The following HSPA12A variants were observed in gnomAD, a reference collection of about 807,000 sequenced individuals.
HSPA12A encodes the protein heat shock 70 kDa protein 12A.
In HSPA12A, 28 loss-of-function variants were observed where a neutral mutation model predicts 69.2. That is an observed-to-expected ratio of 0.40 (90% CI 0.30 to 0.55). The LOEUF is 0.55. Among genes scored for constraint, HSPA12A ranks in the 20% least tolerant of loss-of-function variants. The pLI, the probability that HSPA12A is intolerant of heterozygous loss-of-function variation, is 0.38. For missense variants in HSPA12A, 686 were observed against 900.7 expected (o/e 0.76, Z 3.05); for synonymous variants, 345 against 370.5 (o/e 0.93, Z 0.79).
intron 5 of HSPA12A, among the ~76,000 whole-genome samples, chr10:116,695,542 C>T (rs998170397): frequency 1.3e-5 from 2 of 151,450 alleles, no homozygotes; most frequent in Non-Finnish European, 2.9e-5. Flanking sequence ...ATTGGCCGGG[C>T]GCGGTGGCTC....
intron 2 of HSPA12A, chr10:116,834,917 C>T: frequency 1.7e-6 from 2 of 1,212,008 alleles, no homozygotes; most frequent in South Asian, 4.2e-5. Flanking sequence ...TACTTACACA[C>T]ATTAGTTAAT....
intron 10 of HSPA12A, 41 bp downstream of exon 10, chr10:116,679,462 C>T (rs374617683): frequency 6.1e-5 from 98 of 1,603,802 alleles, no homozygotes; most frequent in Middle Eastern, 4.3e-4. Flanking sequence ...ACGATCCACC[C>T]GCTAGAATGT....
chr10:116,782,900 A>G (rs2133138470), intron 2 of HSPA12A, among the ~76,000 whole-genome samples: 1 of 152,318 alleles, frequency 6.6e-6, no homozygotes, highest in South Asian at 2.1e-4. Context: ...GCCTGGCAAC[A>G]TACCAAGCCC....
At chr10:116,849,333 G>C (rs191876450) in intron 1 of HSPA12A, among the ~76,000 whole-genome samples, 2 of 152,326 alleles carry the variant, frequency 1.3e-5, no homozygotes, top group East Asian at 3.9e-4. Context: ...CTAGTCTCGG[G>C]AGTCTAGGAG....
At chr10:116,824,824 G>A (rs1764398854) in intron 2 of HSPA12A, among the ~76,000 whole-genome samples, 2 of 152,060 alleles carry the variant, frequency 1.3e-5, no homozygotes, top group Admixed American at 6.5e-5. Context: ...AGTAGAGATG[G>A]GGTTTCACCA....
intron 2 of HSPA12A, among the ~76,000 whole-genome samples, chr10:116,794,921 A>G (rs1435131026): frequency 6.6e-6 from 1 of 152,230 alleles, no homozygotes; most frequent in East Asian, 1.9e-4. Context: ...CAGAATTTAA[A>G]AAATAATTAG....
At chr10:116,776,631 C>G (rs1345081888) in intron 2 of HSPA12A, among the ~76,000 whole-genome samples, 1 of 152,124 alleles carries the variant, frequency 6.6e-6, no homozygotes, top group Non-Finnish European at 1.5e-5. Context: ...GTAGCAGAAT[C>G]CACCGCTTCC....
intron 1 of HSPA12A, among the ~76,000 whole-genome samples, chr10:116,734,970 C>T (rs960952845): frequency 9.2e-5 from 14 of 151,934 alleles, no homozygotes; most frequent in African/African-American, 3.4e-4. Flanking sequence ...CCAGCCTGAG[C>T]GACAGAGCGA....
intron 4 of HSPA12A, among the ~76,000 whole-genome samples, chr10:116,700,663 C>A (rs1193128636): frequency 6.6e-6 from 1 of 152,192 alleles, no homozygotes; most frequent in Non-Finnish European, 1.5e-5. Flanking sequence ...CCTGGTATAA[C>A]CAGGGTCTAC....
chr10:116,722,461 C>T (rs1165647136), intron 1 of HSPA12A, among the ~76,000 whole-genome samples: 2 of 152,168 alleles, frequency 1.3e-5, no homozygotes, highest in African/African-American at 4.8e-5. Context: ...TCCTGAATGG[C>T]ATAGACACCA....
intron 2 of HSPA12A, among the ~76,000 whole-genome samples, chr10:116,777,142 T>C (rs1166850532): frequency 2.0e-5 from 3 of 152,136 alleles, no homozygotes; most frequent in African/African-American, 7.2e-5. Context: ...GCGCCCCTTT[T>C]CTTCCCTGCC....
upstream of HSPA12A, among the ~76,000 whole-genome samples, chr10:116,745,630 T>C (rs1415333785): frequency 1.3e-5 from 2 of 152,152 alleles, no homozygotes; most frequent in Non-Finnish European, 2.9e-5. Context: ...TTCAAGGGCC[T>C]GCCCTCAGGT....
intron 2 of HSPA12A, among the ~76,000 whole-genome samples, chr10:116,766,024 G>T (rs1397178285): frequency 6.6e-6 from 1 of 152,134 alleles, no homozygotes. Flanking sequence ...ATGCAACCAG[G>T]TCCTGTTTGA....
intron 1 of HSPA12A, among the ~76,000 whole-genome samples, chr10:116,842,498 T>C (rs1021185685): frequency 2.0e-5 from 3 of 152,234 alleles, no homozygotes; most frequent in African/African-American, 7.2e-5. Flanking sequence ...AGGTATCCTT[T>C]TGCTTTATTA....
chr10:116,799,299 C>G (rs17095269), intron 2 of HSPA12A, among the ~76,000 whole-genome samples: 4,257 of 152,260 alleles, frequency 0.028, 197 homozygotes, highest in African/African-American at 0.097. Flanking sequence ...GAAAACAGGG[C>G]CTTCTGTTCC....
At chr10:116,784,958 A>G (rs532756268) in intron 2 of HSPA12A, among the ~76,000 whole-genome samples, 1 of 152,288 alleles carries the variant, frequency 6.6e-6, no homozygotes, top group African/African-American at 2.4e-5. Flanking sequence ...AGGAGAAACC[A>G]GAGAGGCCCC....
intron 1 of HSPA12A, among the ~76,000 whole-genome samples, chr10:116,739,882 C>T (rs143423010): frequency 6.6e-6 from 1 of 152,094 alleles, no homozygotes; most frequent in Non-Finnish European, 1.5e-5. Flanking sequence ...TGCCCACTCC[C>T]CACCCCACCC....
Position 116,794,161 on chromosome 10 carries a change from C to T in HSPA12A, c.91+40774G>A, listed in dbSNP as rs189976922. ...TGGAGCTTGCAGTGAGCCGAGATCG[C>T]GCCACTGCACTCCAGTGACTCCTGG... On this transcript the variant is annotated intron_variant, in intron 2 of 12. Coordinates refer to the HSPA12A transcript ENST00000635765. Among the ~76,000 whole-genome samples the T allele has an allele frequency of 1.9e-3, 294 of 152,000 alleles. 1 individual carries two copies. Among genetic ancestry groups the T allele is most frequent in the Non-Finnish European group, 2.3e-3 (154 of 67,988 alleles).
chr10:116,794,113 G>A (rs1367440967), intron 2 of HSPA12A, among the ~76,000 whole-genome samples: 3 of 152,118 alleles, frequency 2.0e-5, no homozygotes, highest in Non-Finnish European at 4.4e-5. Context: ...GCTGAGGCAG[G>A]AGAATGGCGT....
Sources: allele counts gnomAD v4.1 joint callset (sites outside exome capture counted in the v4.1 genomes callset), GRCh38; gene constraint gnomAD v4.1.1; transcripts MANE v1.5; gene names NCBI Gene and HGNC (gene_info 2026-07-23, HGNC 2026-07-21).